Variants in DENND5B observed in about 807,000 individuals in gnomAD.
The protein encoded by DENND5B is DENN domain containing 5B.
Under a neutral mutation model 140.6 loss-of-function variants are expected in DENND5B, and 34 were observed. The ratio of observed to expected loss-of-function variants is 0.24; its 90% CI spans 0.18 to 0.32. The LOEUF is 0.32. DENND5B is among the 10% of genes least tolerant of loss of function. The pLI, the probability that DENND5B is intolerant of heterozygous loss-of-function variation, is 1.00. For synonymous variants in DENND5B, 551 were observed against 562.1 expected, an observed-to-expected ratio of 0.98 and a Z score of 0.28; for missense variants, 1,142 against 1,560.2, an observed-to-expected ratio of 0.73 and a Z score of 4.52.
At chr12:31,468,454 A>G (rs1438927722) in intron 3 of DENND5B, among the ~76,000 whole-genome samples, 1 of 152,112 alleles carries the variant, frequency 6.6e-6, no homozygotes, top group African/African-American at 2.4e-5. Context: ...CCATAAATTA[A>G]TAAAACAGAA....
chr12:31,588,079 C>T (rs529441020), intron 1 of DENND5B, among the ~76,000 whole-genome samples: 1 of 152,168 alleles, frequency 6.6e-6, no homozygotes, highest in East Asian at 1.9e-4. Flanking sequence ...TTACCTACTA[C>T]TCTCCCTCTC....
intron 1 of DENND5B, among the ~76,000 whole-genome samples, chr12:31,587,693 G>A (rs895876931): frequency 6.6e-6 from 1 of 151,872 alleles, no homozygotes. Flanking sequence ...GATATTACAG[G>A]CATGTGCCAC....
chr12:31,556,100 C>A (rs931914917), intron 1 of DENND5B, among the ~76,000 whole-genome samples: 1 of 152,256 alleles, frequency 6.6e-6, no homozygotes, highest in Non-Finnish European at 1.5e-5. Flanking sequence ...GTGAGATGAA[C>A]CCGGTACCTC....
chr12:31,435,017 C>T (rs1348571369), intron 7 of DENND5B, among the ~76,000 whole-genome samples: 3 of 152,088 alleles, frequency 2.0e-5, no homozygotes, highest in African/African-American at 7.2e-5. Context: ...ATAAATTCTG[C>T]GGAAAGCCAC....
At chr12:31,392,146 A>G (rs1228892771) in intron 19 of DENND5B, 121 bp downstream of exon 19, 4 of 1,079,170 alleles carry the variant, frequency 3.7e-6, no homozygotes, top group Non-Finnish European at 3.7e-6. Flanking sequence ...CTCAAAAAAA[A>G]AAAAAGAAAA....
intron 6 of DENND5B, among the ~76,000 whole-genome samples, chr12:31,445,515 G>A (rs1944236582): frequency 6.6e-6 from 1 of 152,134 alleles, no homozygotes; most frequent in Non-Finnish European, 1.5e-5. Context: ...ACCAGCCTGA[G>A]CAACATCGTG....
At chr12:31,477,169 AG>A (rs1467862461) in intron 3 of DENND5B, among the ~76,000 whole-genome samples, 1 of 151,754 alleles carries the variant, frequency 6.6e-6, no homozygotes, top group African/African-American at 2.4e-5. Flanking sequence ...CGGTGGTTGC[AG>A]TGAGCCAAGA....
At chr12:31,476,577 T>C (rs1945822296) in intron 3 of DENND5B, among the ~76,000 whole-genome samples, 1 of 151,728 alleles carries the variant, frequency 6.6e-6, no homozygotes, top group East Asian at 1.9e-4. Context: ...AGTTAATAAA[T>C]GACAGAGTAG....
chr12:31,541,041 TA>T (rs34225458), intron 1 of DENND5B: 198 of 384,166 alleles, frequency 5.2e-4, no homozygotes, highest in Non-Finnish European at 6.6e-4. Context: ...TCTTACCATA[TA>T]AAAAAAAAAT....
At chr12:31,572,968 T>C (rs1383158548) in intron 1 of DENND5B, among the ~76,000 whole-genome samples, 2 of 152,196 alleles carry the variant, frequency 1.3e-5, no homozygotes, top group African/African-American at 4.8e-5. Flanking sequence ...GCCAATTAAA[T>C]CTGAATGTTC....
chr12:31,588,305 C>T (rs1950471387), intron 1 of DENND5B, among the ~76,000 whole-genome samples: 1 of 152,164 alleles, frequency 6.6e-6, no homozygotes, highest in Non-Finnish European at 1.5e-5. Context: ...CACAACCCCA[C>T]CATCCCACCA....
At chr12:31,582,913 A>G (rs1226623196) in intron 1 of DENND5B, among the ~76,000 whole-genome samples, 2 of 152,232 alleles carry the variant, frequency 1.3e-5, no homozygotes, top group East Asian at 3.8e-4. Context: ...GAATTATGTC[A>G]GACAGATCTT....
intron 17 of DENND5B, among the ~76,000 whole-genome samples, chr12:31,393,018 C>A (rs1359412579): frequency 6.6e-6 from 1 of 152,178 alleles, no homozygotes; most frequent in East Asian, 1.9e-4. Flanking sequence ...ACTGGGAAAA[C>A]TGGTAAGTTA....
At chr12:31,441,059 G>A (rs1018187327) in intron 7 of DENND5B, among the ~76,000 whole-genome samples, 2 of 151,822 alleles carry the variant, frequency 1.3e-5, no homozygotes, top group African/African-American at 4.8e-5. Context: ...AATTTTTGTA[G>A]GGGCTTGGCC....
intron 1 of DENND5B, among the ~76,000 whole-genome samples, chr12:31,505,239 C>CT (rs200931111): frequency 0.022 from 2,855 of 129,104 alleles, 58 homozygotes; most frequent in African/African-American, 0.054. Flanking sequence ...CAGAATTTGC[C>CT]TTTTTTTTTT....
At chr12:31,578,056 A>G (rs996969760) in intron 1 of DENND5B, among the ~76,000 whole-genome samples, 1 of 149,190 alleles carries the variant, frequency 6.7e-6, no homozygotes, top group Admixed American at 6.8e-5. Context: ...AAGCCCAGAA[A>G]GTGGAGACTG....
At chr12:31,585,345 C>G (rs1297843638) in intron 1 of DENND5B, among the ~76,000 whole-genome samples, 1 of 152,196 alleles carries the variant, frequency 6.6e-6, no homozygotes, top group Non-Finnish European at 1.5e-5. Context: ...CCAAGGATGT[C>G]AACAAAGCTA....
At chr12:31,525,243 G>C (rs1948044868) in intron 1 of DENND5B, among the ~76,000 whole-genome samples, 1 of 152,154 alleles carries the variant, frequency 6.6e-6, no homozygotes, top group Admixed American at 6.5e-5. Context: ...AAATCTGAAT[G>C]TTCATAGCAG....
intron 19 of DENND5B, among the ~76,000 whole-genome samples, 187 bp downstream of exon 19, chr12:31,392,080 A>G (rs1941176461): frequency 6.6e-6 from 1 of 151,498 alleles, no homozygotes; most frequent in Non-Finnish European, 1.5e-5. Flanking sequence ...CGGAGGTTAC[A>G]GTGAGCCAAG....
Sources: allele counts gnomAD v4.1 joint callset (sites outside exome capture counted in the v4.1 genomes callset), GRCh38; gene constraint gnomAD v4.1.1; transcripts MANE v1.5; gene names NCBI Gene and HGNC (gene_info 2026-07-23, HGNC 2026-07-21).